Variants in EHF observed in about 807,000 individuals in gnomAD.
EHF encodes ETS homologous factor.
Under a neutral mutation model 45.1 loss-of-function variants are expected in EHF, and 14 were observed. The ratio of observed to expected loss-of-function variants is 0.31; its 90% CI spans 0.21 to 0.49. The LOEUF is 0.49. EHF is among the 20% of genes least tolerant of loss of function. EHF has a pLI of 0.99. For synonymous variants in EHF, 136 were observed against 131.8 expected (o/e 1.03, Z -0.22); for missense variants, 282 against 371.4 (o/e 0.76, Z 1.98).
chr11:34,647,549 G>T (rs1854686234), intron 3 of EHF, among the ~76,000 whole-genome samples: 1 of 152,234 alleles, frequency 6.6e-6, no homozygotes, highest in African/African-American at 2.4e-5. Flanking sequence ...TGGGCATCCT[G>T]AAAAGTAGCA....
Position 34,649,082 on chromosome 11 carries a change from G to A in EHF, c.406+1G>A. 1 of 1,613,750 alleles carries A rather than the reference G, an allele frequency of 6.2e-7. No individual in the cohort carries two copies. The highest frequency in any genetic ancestry group is 8.5e-7 in the Non-Finnish European group (1 of 1,179,862). ...GTCATTGTCAAGACTGAACAAACTG[G>A]TGAGTAGTAGTGGACAAAGGGAGCC... On this transcript the variant is annotated splice_donor_variant, in intron 4 of 8. Transcript: ENST00000257831. LOFTEE classifies it high-confidence loss of function.
chr11:34,637,911 T>C (rs1308513359), intron 1 of EHF, among the ~76,000 whole-genome samples: 5 of 152,052 alleles, frequency 3.3e-5, no homozygotes, highest in South Asian at 4.2e-4. Context: ...TTTTTTTTTT[T>C]TCCTTTTTGA....
chr11:34,622,614 G>C (rs185496653), intron 1 of EHF, among the ~76,000 whole-genome samples: 71 of 152,182 alleles, frequency 4.7e-4, no homozygotes, highest in African/African-American at 1.7e-3. Context: ...GACTTTAATA[G>C]CTGCATTTGA....
rs1856156708 is a variant in EHF, at chr11:34,662,579, A to AT, written c.*3655dup. ...AGTATTTGGGGGATTGGTTTTTATT[A>AT]TTTTTTTCCTTTTTGAAAAATACTG... On this transcript the variant is annotated 3_prime_UTR_variant, in exon 9 of 9. Coordinates refer to ENST00000257831, the MANE Select transcript of EHF (RefSeq NM_012153.6). Among the ~76,000 whole-genome samples, 1 of 151,976 alleles carries AT rather than the reference A, an allele frequency of 6.6e-6. No homozygotes were observed. Among genetic ancestry groups the AT allele is most frequent in the African/African-American group, 2.4e-5 (1 of 41,388 alleles).
At chr11:34,650,723 G>A (rs187759282) in intron 4 of EHF, among the ~76,000 whole-genome samples, 36 of 152,278 alleles carry the variant, frequency 2.4e-4, no homozygotes, top group African/African-American at 8.4e-4. Flanking sequence ...AGATCTGGGG[G>A]TTGCGTAGGA....
intron 4 of EHF, 32 bp from the exon 5 acceptor site, chr11:34,651,510 C>A: frequency 6.6e-7 from 1 of 1,525,026 alleles, no homozygotes; most frequent in Non-Finnish European, 9.0e-7. Flanking sequence ...GAAAAGAGAT[C>A]GCTGACTATT....
chr11:34,641,040 G>T (rs1853949459), intron 1 of EHF, among the ~76,000 whole-genome samples: 1 of 152,140 alleles, frequency 6.6e-6, no homozygotes, highest in Non-Finnish European at 1.5e-5. Flanking sequence ...TAGTAAGTAG[G>T]AAGGCTTGGA....
chr11:34,637,744 C>A (rs1023311294), intron 1 of EHF, among the ~76,000 whole-genome samples: 6 of 151,982 alleles, frequency 3.9e-5, no homozygotes, highest in Non-Finnish European at 7.4e-5. Context: ...AAACTTCTGC[C>A]CAAAGAGGTG....
At chr11:34,656,803 A>G in intron 6 of EHF, 105 bp from the exon 7 acceptor site, 1 of 1,275,882 alleles carries the variant, frequency 7.8e-7, no homozygotes, top group African/African-American at 1.5e-5. Flanking sequence ...GGTGCCAGGC[A>G]TGCAGTAGGT....
At chr11:34,637,850 G>A (rs1261215507) in intron 1 of EHF, among the ~76,000 whole-genome samples, 4 of 150,856 alleles carry the variant, frequency 2.7e-5, no homozygotes, top group African/African-American at 9.7e-5. Context: ...AAAGGATAGG[G>A]AAATATATAT....
At chr11:34,649,410 G>A (rs1854919224) in intron 4 of EHF, among the ~76,000 whole-genome samples, 1 of 152,208 alleles carries the variant, frequency 6.6e-6, no homozygotes, top group African/African-American at 2.4e-5. Context: ...AAAGTGTCAG[G>A]GGAGTGGCCA....
intron 1 of EHF, among the ~76,000 whole-genome samples, chr11:34,633,094 G>A (rs1565025933): frequency 6.6e-6 from 1 of 152,180 alleles, no homozygotes; most frequent in Non-Finnish European, 1.5e-5. Flanking sequence ...TGCTCCTGAT[G>A]CAAGTAACCA....
intron 1 of EHF, among the ~76,000 whole-genome samples, chr11:34,625,287 C>T (rs1009766470): frequency 1.3e-5 from 2 of 152,176 alleles, no homozygotes; most frequent in African/African-American, 4.8e-5. Context: ...GTGTCTCAAG[C>T]TGGTGGGAAT....
chr11:34,657,282 G>T (rs1855760853), intron 7 of EHF, among the ~76,000 whole-genome samples: 1 of 152,068 alleles, frequency 6.6e-6, no homozygotes, highest in African/African-American at 2.4e-5. Context: ...CAGAAGAAAA[G>T]GGTGGGAAGA....
At chr11:34,631,844 G>T (rs148190857) in intron 1 of EHF, among the ~76,000 whole-genome samples, 165 of 152,314 alleles carry the variant, frequency 1.1e-3, no homozygotes, top group African/African-American at 3.9e-3. Context: ...CCATTTAGAA[G>T]AGTGTGGTTT....
rs190170484 is a variant in EHF at position 34,638,248 on chromosome 11, T to C, written c.-3-4380T>C. 4.6e-5 allele frequency among the ~76,000 whole-genome samples: 7 copies of C among 152,330 alleles called. No individual in the cohort carries two copies. In the East Asian group the frequency reaches 1.4e-3, roughly 29 times the overall value. ...AAATAAGAGGTATAGTTTTTCTTTG[T>C]GTGTGCAGTTTGTAATAGCTCAGGT... On this transcript the variant is annotated intron_variant, in intron 1 of 8. Transcript: ENST00000257831.
intron 3 of EHF, chr11:34,647,038 T>G: frequency 3.5e-6 from 1 of 289,616 alleles, no homozygotes; most frequent in Non-Finnish European, 6.3e-6. Context: ...AAGATCATCA[T>G]GGTTACAAAA....
intron 1 of EHF, among the ~76,000 whole-genome samples, chr11:34,639,526 A>G (rs1378713541): frequency 6.6e-6 from 1 of 152,214 alleles, no homozygotes; most frequent in Non-Finnish European, 1.5e-5. Flanking sequence ...CTGAAAAACT[A>G]TGCCTCAGAG....
In EHF at chr11:34,659,048, G is replaced by C; in HGVS notation, c.*117G>C. 1.3e-6 allele frequency: 1 copy of C among 762,614 alleles called. No homozygotes were observed. The highest frequency in any genetic ancestry group is 2.0e-6 in the Non-Finnish European group (1 of 488,352). 47.2% of individuals were successfully genotyped at this position (762,614 alleles called of 1,614,324 possible). A position where few individuals can be genotyped will look rare whatever the true frequency, so the allele number is the denominator to read the frequency against. ...CTCTGATATTTATGTACCATGAGGG[G>C]AACAAGAAACTACTTCTAACGGGAA... On this transcript the variant is annotated 3_prime_UTR_variant, in exon 9 of 9. Transcript: ENST00000257831.
Sources: gnomAD v4.1 joint callset for allele counts (sites outside exome capture counted in the v4.1 genomes callset) on GRCh38, gnomAD v4.1.1 for gene constraint, MANE v1.5 for transcripts, NCBI Gene and HGNC (gene_info 2026-07-23, HGNC 2026-07-21) for gene names.